CLPSL2: variants seen among roughly 807,000 people sequenced by gnomAD.
CLPSL2 encodes colipase like 2.
CLPSL2 carries 4 observed loss-of-function variants against 7.9 expected under a neutral mutation model. The ratio of observed to expected loss-of-function variants is 0.50; its 90% CI spans 0.25 to 1.15. CLPSL2 has a LOEUF of 1.15. CLPSL2 is among the 50% of genes most tolerant of loss of function. The pLI is 0.15. For missense variants in CLPSL2, 132 were observed against 136.6 expected (o/e 0.97, Z 0.17); for synonymous variants, 67 against 53.1 (o/e 1.26, Z -1.14).
intron 1 of CLPSL2, 67 bp from the exon 2 acceptor site, chr6:35,777,392 T>G: frequency 2.8e-5 from 28 of 986,108 alleles, no homozygotes; most frequent in Non-Finnish European, 3.8e-5. Context: ...GTGGGAACCC[T>G]CCCCTACCCG....
intron 2 of CLPSL2, 93 bp downstream of exon 2, chr6:35,777,674 C>A: frequency 7.3e-7 from 1 of 1,376,332 alleles, no homozygotes; most frequent in Non-Finnish European, 9.8e-7. Flanking sequence ...TTTTTCACCT[C>A]TGTCTGGAGT....
chr6:35,777,905 A>G, intron 2 of CLPSL2: 1 of 717,320 alleles, frequency 1.4e-6, no homozygotes, highest in Non-Finnish European at 2.6e-6. Flanking sequence ...TGAAGCACCT[A>G]CCCCCAGCTT....
chr6:35,778,312 A>T (rs972895693), intron 2 of CLPSL2, among the ~76,000 whole-genome samples: 9 of 152,202 alleles, frequency 5.9e-5, no homozygotes, highest in African/African-American at 2.2e-4. Flanking sequence ...GAGGCAGGGT[A>T]AGTAGGAAAT....
rs201416939 is a variant in CLPSL2 at position 35,777,313 on chromosome 6, G to GA, written c.85-146_85-145insA. ...GCTGAGGGGCCGGGGTGGGGCTGGG[G>GA]GGGGAACCAGCCCCCCAAGGGGTGA... On this transcript the variant is annotated intron_variant, in intron 1 of 2. Coordinates refer to ENST00000403376, the MANE Select transcript of CLPSL2 (RefSeq NM_207409.4). 7,427 of 827,908 alleles carry GA rather than the reference G, an allele frequency of 9.0e-3. 88 individuals are homozygous for GA. Among genetic ancestry groups the GA allele is most frequent in the Middle Eastern group, 0.016 (45 of 2,736 alleles). The allele number at this position is 827,908 out of a possible 1,614,324, so 51.3% of individuals were successfully genotyped here. A position where few individuals can be genotyped will look rare whatever the true frequency, so the allele number is the denominator to read the frequency against.
chr6:35,777,318 A>G (rs1186932535), intron 1 of CLPSL2, 141 bp from the exon 2 acceptor site: 2 of 840,598 alleles, frequency 2.4e-6, no homozygotes, highest in Non-Finnish European at 3.6e-6. Context: ...CTGGGGGGGG[A>G]ACCAGCCCCC....
At position 35,779,287 on chromosome 6, in the gene CLPSL2, C is replaced by G. The variant is rs1581947897; in HGVS notation, c.208-68C>G. 3.0e-6 allele frequency: 4 copies of G among 1,340,938 alleles called. No homozygotes were observed. The East Asian group carries it at 1.0e-4, about 34-fold the overall frequency. The allele number at this position is 1,340,938 out of a possible 1,614,324, so 83.1% of individuals were successfully genotyped here. A position where few individuals can be genotyped will look rare whatever the true frequency, so the allele number is the denominator to read the frequency against. On this transcript the variant is annotated intron_variant, in intron 2 of 2. Transcript: ENST00000403376. ...GCCTGGTACTCTTGGTTCTGGTCCC[C>G]AAGAAGTTTAAGTCCCCATCCTTCC...
Position 35,776,969 on chromosome 6 carries a change from A to G in CLPSL2, c.84+267A>G, listed in dbSNP as rs2296663. On this transcript the variant is annotated intron_variant, in intron 1 of 2. Coordinates refer to ENST00000403376, the MANE Select transcript of CLPSL2 (RefSeq NM_207409.4). The stretch of plus-strand genomic sequence containing the variant: ...CGCCCGTGCCCCTTCCGATGGCCTC[A>G]GTCCTGGGCTCGCTTCCCTCCCCAA... 1.6e-3 allele frequency among the ~76,000 whole-genome samples: 238 copies of G among 151,994 alleles called. 8 individuals carry two copies. The East Asian group carries it at 0.044, about 28-fold the overall frequency.
rs1767856065 is a variant in CLPSL2 at position 35,777,308 on chromosome 6, C to CG, written c.85-151_85-150insG. 6 of 725,876 alleles carry CG rather than the reference C, an allele frequency of 8.3e-6. No individual in the cohort carries two copies. The African/African-American group carries it at 1.2e-4, about 15-fold the overall frequency. 45.0% of individuals were successfully genotyped at this position (725,876 alleles called of 1,614,324 possible). Reference sequence around the variant, plus strand: ...GTCCTGCTGAGGGGCCGGGGTGGGGCTGGGGGGGGAACCAGCCCCCCAAGG... The same window carrying CG: ...GTCCTGCTGAGGGGCCGGGGTGGGGCGTGGGGGGGGAACCAGCCCCCCAAGG... On this transcript the variant is annotated intron_variant, in intron 1 of 2. Transcript: ENST00000403376.
At position 35,777,549 on chromosome 6, in the gene CLPSL2, A is replaced by G; in HGVS notation, c.175A>G (p.Arg59Gly). 1 of 1,613,606 alleles carries G rather than the reference A, an allele frequency of 6.2e-7. No homozygotes were observed. The highest frequency in any genetic ancestry group is 1.1e-5 in the South Asian group (1 of 91,064). ...CTCCGGTGGAGCCTTCTGTGCCCCC[A>G]GGGCCAGAATAACCATGATCTGCTT... ...LDSGGAFCAP[R>G]ARITMICLPQ... Residue 59 changes from arginine to glycine, a missense_variant, in exon 2 of 3, where the codon AGG becomes GGG. Transcript: ENST00000403376.
intron 1 of CLPSL2, 34 bp downstream of exon 1, chr6:35,776,736 C>A: frequency 7.4e-7 from 1 of 1,357,786 alleles, no homozygotes; most frequent in Non-Finnish European, 9.4e-7. Flanking sequence ...CGGCCGCGAC[C>A]GCAGGAGAGG....
intron 1 of CLPSL2, 42 bp downstream of exon 1, chr6:35,776,744 AG>A: frequency 7.4e-7 from 1 of 1,343,722 alleles, no homozygotes; most frequent in South Asian, 1.8e-5. Flanking sequence ...ACCGCAGGAG[AG>A]GGTGGCCCCG....
At chr6:35,777,346 A>G in intron 1 of CLPSL2, 113 bp from the exon 2 acceptor site, 3 of 1,269,004 alleles carry the variant, frequency 2.4e-6, no homozygotes, top group Non-Finnish European at 2.2e-6. Context: ...TGACAACCTC[A>G]TGACTTCTCC....
In CLPSL2 at chr6:35,777,464, C is replaced by T; in HGVS notation, c.90C>T (p.Ile30=). The change falls in exon 2 of 3, where the codon ATC becomes ATT. Residue 30 remains isoleucine (I), a synonymous_variant. Coordinates refer to ENST00000403376, the MANE Select transcript of CLPSL2 (RefSeq NM_207409.4). ...WSALPQYKKK[I]TDRCFHHSEC... ...CATTCTGCCTGTCCCCACAGAAAAT[C>T]ACAGACAGGTGCTTCCACCACTCTG... is the stretch of plus-strand genomic sequence containing the variant. 1.2e-6 allele frequency: 2 copies of T among 1,611,318 alleles called. No individual in the cohort carries two copies. The highest frequency in any genetic ancestry group is 1.7e-6 in the Non-Finnish European group (2 of 1,178,420).
chr6:35,777,745 T>A, intron 2 of CLPSL2, 164 bp downstream of exon 2: 1 of 807,260 alleles, frequency 1.2e-6, no homozygotes, highest in Non-Finnish European at 2.1e-6. Flanking sequence ...TCCAGCCACC[T>A]CCTCTGAGAA....
At chr6:35,777,319 A>T (rs917857102) in intron 1 of CLPSL2, 140 bp from the exon 2 acceptor site, 18 of 895,478 alleles carry the variant, frequency 2.0e-5, no homozygotes, top group Non-Finnish European at 2.9e-5. Flanking sequence ...TGGGGGGGGA[A>T]CCAGCCCCCC....
chr6:35,778,952 T>C (rs1767904509), intron 2 of CLPSL2, among the ~76,000 whole-genome samples: 1 of 151,930 alleles, frequency 6.6e-6, no homozygotes, highest in Non-Finnish European at 1.5e-5. Flanking sequence ...TGCTAATTTT[T>C]ATATTATTAG....
chr6:35,776,841 G>T, intron 1 of CLPSL2, 139 bp downstream of exon 1: 1 of 703,318 alleles, frequency 1.4e-6, no homozygotes, highest in Non-Finnish European at 2.1e-6. Flanking sequence ...GTAGCCTGGG[G>T]CATCCTCAGA....
Position 35,776,631 on chromosome 6 carries a change from C to G in CLPSL2, c.13C>G (p.Leu5Val). 1 of 1,499,446 alleles carries G rather than the reference C, an allele frequency of 6.7e-7. No individual in the cohort carries two copies. Among genetic ancestry groups the G allele is most frequent in the Non-Finnish European group, 8.8e-7 (1 of 1,131,730 alleles). The allele number at this position is 1,499,446 out of a possible 1,614,324, so 92.9% of individuals were successfully genotyped here. ...GCCGCCCAGGCCCATGGCCGCAGCCCTGGCGCTCGTGGCGGGGGTCCTGTC... is the reference window on the plus strand; with the variant it reads ...GCCGCCCAGGCCCATGGCCGCAGCCGTGGCGCTCGTGGCGGGGGTCCTGTC... MAAA[L>V]ALVAGVLSGA... The change falls in exon 1 of 3, where the codon CTG (leucine) becomes GTG (valine). Residue 5 changes from leucine to valine, a missense_variant. Leu to Val is a conservative substitution (Grantham distance 32). Transcript: ENST00000403376.
In CLPSL2 at chr6:35,776,684, G is replaced by A; in HGVS notation, c.66G>A (p.Ala22=). The stretch of plus-strand genomic sequence containing the variant: ...GGGCGGTGCTGCCCCTCTGGAGCGC[G>A]CTTCCGCAATATAAAAAGGTGAGCC... ...LSGAVLPLWS[A]LPQYKKKITD... The change falls in exon 1 of 3, where the codon GCG becomes GCA. Residue 22 remains alanine, a synonymous_variant. Coordinates refer to ENST00000403376, the MANE Select transcript of CLPSL2 (RefSeq NM_207409.4). The A allele has an allele frequency of 6.8e-7, 1 of 1,462,304 alleles. No individual in the cohort carries two copies. The allele number at this position is 1,462,304 out of a possible 1,614,324, so 90.6% of individuals were successfully genotyped here.
Sources: gnomAD v4.1 joint callset for allele counts (sites outside exome capture counted in the v4.1 genomes callset) on GRCh38, gnomAD v4.1.1 for gene constraint, MANE v1.5 for transcripts, NCBI Gene and HGNC (gene_info 2026-07-23, HGNC 2026-07-21) for gene names.